Variants in MANSC1 observed in about 807,000 individuals in gnomAD.
MANSC1 encodes the protein MANSC domain containing 1, also known as MANSC domain-containing protein 1.
A neutral mutation model predicts 14.1 loss-of-function variants in MANSC1; 13 were observed. The observed-to-expected ratio is 0.92, with a 90% CI of 0.60 to 1.46. The LOEUF (loss-of-function observed/expected upper bound fraction) is 1.46, where lower values mean the gene tolerates loss of function less well. Among genes scored for constraint, MANSC1 ranks in the 40% most tolerant of loss-of-function variants. MANSC1 has a pLI of 0.00. For synonymous variants in MANSC1, 227 were observed against 200.7 expected (o/e 1.13, Z -1.11); for missense variants, 486 against 511.4 (o/e 0.95, Z 0.48).
chr12:12,335,966 C>A (rs924735617), intron 3 of MANSC1, among the ~76,000 whole-genome samples: 1 of 151,658 alleles, frequency 6.6e-6, no homozygotes, highest in Non-Finnish European at 1.5e-5. Context: ...GTGGATTACC[C>A]GACATCAGGA....
intron 3 of MANSC1, among the ~76,000 whole-genome samples, chr12:12,334,287 A>G (rs1395756347): frequency 6.9e-6 from 1 of 144,060 alleles, no homozygotes; most frequent in African/African-American, 2.4e-5. Context: ...TTAAAAAAAA[A>G]GAAAAAAAAA....
chr12:12,343,981 C>T (rs373837203), intron 1 of MANSC1, among the ~76,000 whole-genome samples: 31 of 151,994 alleles, frequency 2.0e-4, no homozygotes, highest in South Asian at 2.1e-4. Context: ...GGTGTGGTGG[C>T]GCATGCCTGT....
chr12:12,336,184 G>A (rs34796573), intron 3 of MANSC1, among the ~76,000 whole-genome samples: 30,657 of 152,072 alleles, frequency 0.2, 3,380 homozygotes, highest in East Asian at 0.3. Flanking sequence ...TGACTTACAA[G>A]GTGTTATGTG....
intron 1 of MANSC1, among the ~76,000 whole-genome samples, chr12:12,345,120 C>T (rs987285485): frequency 2.0e-5 from 3 of 148,790 alleles, no homozygotes; most frequent in Non-Finnish European, 3.0e-5. Context: ...AGGAGTTCGA[C>T]ACCAGCCTGG....
intron 1 of MANSC1, among the ~76,000 whole-genome samples, chr12:12,344,845 C>T (rs1183833691): frequency 1.4e-5 from 2 of 141,438 alleles, no homozygotes; most frequent in African/African-American, 5.3e-5. Flanking sequence ...TTTGAAACTC[C>T]TTGCTCCTCA....
intron 1 of MANSC1, among the ~76,000 whole-genome samples, chr12:12,347,901 A>AG (rs1177756201): frequency 6.6e-6 from 1 of 151,946 alleles, no homozygotes; most frequent in African/African-American, 2.4e-5. Context: ...TCTACTAAAA[A>AG]AAAATACAAA....
chr12:12,342,538 A>G (rs1467469405), intron 2 of MANSC1, among the ~76,000 whole-genome samples: 1 of 137,364 alleles, frequency 7.3e-6, no homozygotes. Flanking sequence ...TCCCCATCCC[A>G]TTAGAGTTCT....
At chr12:12,334,099 A>T (rs932175254) in intron 3 of MANSC1, among the ~76,000 whole-genome samples, 22 of 151,984 alleles carry the variant, frequency 1.4e-4, no homozygotes, top group African/African-American at 2.9e-4. Flanking sequence ...AAAACATTTT[A>T]AAAAATTAGC....
rs1320378328 is a variant in MANSC1 at position 12,327,743 on chromosome 12, A to C, written c.*2284T>G. The C allele has an allele frequency of 6.6e-6, 1 of 152,234 alleles. No individual in the cohort carries two copies. The highest frequency in any genetic ancestry group is 1.5e-5 in the Non-Finnish European group (1 of 68,048). 9.4% of individuals were successfully genotyped at this position (152,234 alleles called of 1,614,324 possible). A position where few individuals can be genotyped will look rare whatever the true frequency, so the allele number is the denominator to read the frequency against. On this transcript the variant is annotated 3_prime_UTR_variant, in exon 4 of 4. Transcript: ENST00000535902. The stretch of plus-strand genomic sequence containing the variant: ...ATTCAGCCTACTTAAAGCTTATGTA[A>C]ACCCCTTGGAGATTTGTGTCAAGCT...
intron 2 of MANSC1, among the ~76,000 whole-genome samples, chr12:12,340,975 C>T (rs889274433): frequency 4.6e-5 from 7 of 152,170 alleles, no homozygotes; most frequent in African/African-American, 1.7e-4. Flanking sequence ...TATACGGTGT[C>T]TTCTCCACAC....
rs758680558 is a variant in MANSC1, at chr12:12,330,852, G to C, written c.471C>G (p.His157Gln). 8.7e-6 allele frequency: 14 copies of C among 1,614,004 alleles called. No individual in the cohort carries two copies. The South Asian group carries it at 1.5e-4, about 18-fold the overall frequency. ...SQAVTPLAHH[H>Q]TDYSKPTDIS... is the part of the protein sequence containing the mutation. Reference sequence around the variant, plus strand: ...TATCGGTGGGCTTTGAATAATCTGTGTGATGATGGGCTAGGGGAGTGACTG... The same window carrying C: ...TATCGGTGGGCTTTGAATAATCTGTCTGATGATGGGCTAGGGGAGTGACTG... Residue 157 changes from histidine (H) to glutamine (Q), a missense_variant, in exon 4 of 4, where the codon CAC becomes CAG. Physicochemically the swap from His to Gln is conservative, Grantham distance 24. Coordinates refer to ENST00000535902, the MANE Select transcript of MANSC1 (RefSeq NM_018050.4).
rs565989905 is a variant in MANSC1 at position 12,347,784 on chromosome 12, C to T, written c.-101+2294G>A. Among the ~76,000 whole-genome samples, 320 of 152,284 alleles carry T rather than the reference C, an allele frequency of 2.1e-3. 1 individual carries two copies. The highest frequency in any genetic ancestry group is 3.2e-3 in the Non-Finnish European group (218 of 68,024). ...GGAGCAACAGAAATTCTCGCCTGGG[C>T]GCGGTGGCTCACATCTGTAATCCCA... On this transcript the variant is annotated intron_variant, in intron 1 of 3. Transcript: ENST00000535902.
chr12:12,344,917 ATATATATATATATATATATAT>A (rs1862987389), intron 1 of MANSC1, among the ~76,000 whole-genome samples: 1 of 4,856 alleles, frequency 2.1e-4, no homozygotes, highest in Non-Finnish European at 4.7e-4. Flanking sequence ...ATAAACTCCC[ATATATATATATATATATATAT>A]ATATATATAT....
At chr12:12,344,727 A>G (rs1862983046) in intron 1 of MANSC1, among the ~76,000 whole-genome samples, 1 of 148,692 alleles carries the variant, frequency 6.7e-6, no homozygotes, top group Non-Finnish European at 1.5e-5. Context: ...TCGGCCTCCC[A>G]AAGTGCTGGG....
chr12:12,340,668 A>G lies in MANSC1; in HGVS notation c.224-2108T>C, dbSNP rs925879035. On this transcript the variant is annotated intron_variant, in intron 2 of 3. Coordinates refer to ENST00000535902, the MANE Select transcript of MANSC1 (RefSeq NM_018050.4). ...AGATCCATTAACTGAGGTTCCAAGT[A>G]CCTCTGCTTGTAGCAAAGCAGTAAT... Among the ~76,000 whole-genome samples, 10 of 152,176 alleles carry G rather than the reference A, an allele frequency of 6.6e-5. 1 individual carries two copies. Among genetic ancestry groups the G allele is most frequent in the African/African-American group, 2.4e-4 (10 of 41,440 alleles).
At chr12:12,331,408 G>T (rs183512321) in intron 3 of MANSC1, among the ~76,000 whole-genome samples, 3 of 152,142 alleles carry the variant, frequency 2.0e-5, no homozygotes, top group Non-Finnish European at 2.9e-5. Context: ...GGCTCAGCAG[G>T]GCAGCAAGAG....
intron 3 of MANSC1, among the ~76,000 whole-genome samples, chr12:12,333,817 T>C (rs1250903411): frequency 6.6e-6 from 1 of 152,232 alleles, no homozygotes; most frequent in Non-Finnish European, 1.5e-5. Context: ...CTTCCAGTCC[T>C]TGGTAAAAAT....
chr12:12,342,144 T>A (rs966072550), intron 2 of MANSC1, among the ~76,000 whole-genome samples: 63 of 152,240 alleles, frequency 4.1e-4, no homozygotes, highest in African/African-American at 1.5e-3. Flanking sequence ...GGTCTTGCTA[T>A]GTTGCCCAGG....
Position 12,330,821 on chromosome 12 carries a change from A to C in MANSC1, c.502T>G (p.Trp168Gly). Residue 168 changes from tryptophan (W) to glycine (G), a missense_variant, in exon 4 of 4, where the codon TGG (tryptophan) becomes GGG (glycine). Trp to Gly is a radical substitution (Grantham distance 184). Transcript: ENST00000535902. ...AACTTCTGAGAAAGTGTGTCTCTCCATGAGATATCGGTGGGCTTTGAATAA... is the reference window on the plus strand; with the variant it reads ...AACTTCTGAGAAAGTGTGTCTCTCCCTGAGATATCGGTGGGCTTTGAATAA... ...TDYSKPTDIS[W>G]RDTLSQKFGS... The C allele has an allele frequency of 6.2e-7, 1 of 1,614,156 alleles. No individual in the cohort carries two copies. The highest frequency in any genetic ancestry group is 8.5e-7 in the Non-Finnish European group (1 of 1,180,022).
Sources: allele counts gnomAD v4.1 joint callset (sites outside exome capture counted in the v4.1 genomes callset), GRCh38; gene constraint gnomAD v4.1.1; transcripts MANE v1.5; gene names NCBI Gene and HGNC (gene_info 2026-07-23, HGNC 2026-07-21).